The following FSTL4 variants were observed in gnomAD, a reference collection of about 807,000 sequenced individuals.
The protein encoded by FSTL4 is follistatin like 4, also known as follistatin-related protein 4.
Under a neutral mutation model 78.2 loss-of-function variants are expected in FSTL4, and 28 were observed. That is an observed-to-expected ratio of 0.36 (90% CI 0.27 to 0.49). The LOEUF is 0.49. FSTL4 is among the 20% of genes least tolerant of loss of function. The pLI is 0.98. For missense variants in FSTL4, 922 were observed against 1,084.9 expected (o/e 0.85, Z 2.11); for synonymous variants, 422 against 440.5 (o/e 0.96, Z 0.53).
At chr5:133,375,859 C>A (rs1483408880) in intron 4 of FSTL4, among the ~76,000 whole-genome samples, 1 of 152,176 alleles carries the variant, frequency 6.6e-6, no homozygotes, top group African/African-American at 2.4e-5. Flanking sequence ...GAAAATATTA[C>A]AAGTTTCTGG....
chr5:133,502,208 C>T (rs769430226), intron 3 of FSTL4, among the ~76,000 whole-genome samples: 22 of 152,248 alleles, frequency 1.4e-4, no homozygotes, highest in Admixed American at 9.8e-4. Flanking sequence ...AACACAGGCA[C>T]GGGTGATGCA....
chr5:133,599,113 T>C (rs1182019900), intron 2 of FSTL4, among the ~76,000 whole-genome samples: 1 of 151,552 alleles, frequency 6.6e-6, no homozygotes, highest in Non-Finnish European at 1.5e-5. Context: ...TGGTTGGGGG[T>C]GAGGGACACT....
the FSTL4 span, among the ~76,000 whole-genome samples, chr5:133,795,424 T>C: frequency 2.6e-5 from 4 of 152,224 alleles, no homozygotes; most frequent in Admixed American, 6.5e-5. Context: ...CATGAGAATA[T>C]AAAGTCATCA....
chr5:133,383,685 G>C (rs1295561395), intron 4 of FSTL4, among the ~76,000 whole-genome samples: 1 of 152,156 alleles, frequency 6.6e-6, no homozygotes, highest in Non-Finnish European at 1.5e-5. Context: ...GTCTCCTGCC[G>C]CAGCCTTCAT....
At chr5:133,423,077 C>T (rs180896835) in intron 3 of FSTL4, among the ~76,000 whole-genome samples, 37 of 152,318 alleles carry the variant, frequency 2.4e-4, no homozygotes, top group Admixed American at 6.5e-4. Flanking sequence ...TTCATTTGTA[C>T]AGTTGCTGCC....
At chr5:133,373,784 G>A (rs1755371578) in intron 4 of FSTL4, among the ~76,000 whole-genome samples, 1 of 152,196 alleles carries the variant, frequency 6.6e-6, no homozygotes, top group African/African-American at 2.4e-5. Context: ...AACAGCACAA[G>A]CACCTGAGCA....
In FSTL4 at chr5:133,342,951, G is replaced by A. The variant is rs912893968; in HGVS notation, c.410-26299C>T. ...TGCTCACGGATCCTTATACCATAAG[G>A]GGAGCTGCTTCTCACCATCTCTAGA... On this transcript the variant is annotated intron_variant, in intron 4 of 15. Transcript: ENST00000265342. Among the ~76,000 whole-genome samples, 5 of 152,066 alleles carry A rather than the reference G, an allele frequency of 3.3e-5. No homozygotes were observed. The South Asian group carries it at 1.0e-3, about 32-fold the overall frequency.
intron 2 of FSTL4, 125 bp from the exon 3 acceptor site, chr5:133,567,344 A>G (rs1200952738): frequency 1.3e-6 from 1 of 740,814 alleles, no homozygotes; most frequent in East Asian, 2.6e-5. Context: ...AGAACATGAC[A>G]CTGAGCAATG....
the FSTL4 span, among the ~76,000 whole-genome samples, chr5:133,700,334 CCACCACACCAAACCATCACACCAAAG>C: frequency 6.6e-6 from 1 of 151,462 alleles, no homozygotes; most frequent in East Asian, 1.9e-4. Context: ...TCACACCAGA[CCACCACACCAAACCATCACACCAAAG>C]CACCACACCA....
At chr5:133,768,101 G>A in the FSTL4 span, among the ~76,000 whole-genome samples, 8 of 152,236 alleles carry the variant, frequency 5.3e-5, 1 homozygote, top group Admixed American at 1.3e-4. Flanking sequence ...AGGAAGAAAC[G>A]AGAGGATTTT....
At chr5:133,694,398 C>A in the FSTL4 span, among the ~76,000 whole-genome samples, 1 of 152,278 alleles carries the variant, frequency 6.6e-6, no homozygotes. Context: ...TTAGTCTCCT[C>A]CTCTCAATCA....
At chr5:133,625,577 G>C in the FSTL4 span, among the ~76,000 whole-genome samples, 1 of 149,264 alleles carries the variant, frequency 6.7e-6, no homozygotes, top group Admixed American at 6.7e-5. Context: ...TTGTTTCATT[G>C]ATTTTTCTCC....
chr5:133,597,784 G>A (rs1229280818), intron 2 of FSTL4, among the ~76,000 whole-genome samples: 1 of 152,150 alleles, frequency 6.6e-6, no homozygotes, highest in Non-Finnish European at 1.5e-5. Context: ...ATGCAGCAAT[G>A]CTCATCCCCA....
At chr5:133,544,571 C>T (rs1164608159) in intron 3 of FSTL4, among the ~76,000 whole-genome samples, 3 of 152,150 alleles carry the variant, frequency 2.0e-5, no homozygotes, top group South Asian at 2.1e-4. Flanking sequence ...CACTCACCCC[C>T]GTTTTCTTCC....
intron 6 of FSTL4, among the ~76,000 whole-genome samples, chr5:133,272,435 C>T (rs947473924): frequency 1.5e-4 from 23 of 152,258 alleles, no homozygotes; most frequent in African/African-American, 5.1e-4. Context: ...CGTGCAGCGC[C>T]GTGACGTGCA....
the FSTL4 span, among the ~76,000 whole-genome samples, chr5:133,820,418 CAACA>C: frequency 6.6e-6 from 1 of 152,170 alleles, no homozygotes; most frequent in East Asian, 1.9e-4. Context: ...TTCCTGGTTA[CAACA>C]TTGTTTTTCT....
At chr5:133,634,679 T>C in the FSTL4 span, among the ~76,000 whole-genome samples, 1 of 152,306 alleles carries the variant, frequency 6.6e-6, no homozygotes, top group East Asian at 1.9e-4. Flanking sequence ...AAAATAGCAA[T>C]CTGTACTCTC....
chr5:133,839,352 A>G, the FSTL4 span, among the ~76,000 whole-genome samples: 1 of 152,168 alleles, frequency 6.6e-6, no homozygotes, highest in Non-Finnish European at 1.5e-5. Flanking sequence ...TTCTGTAAAA[A>G]CGCTGTTTGT....
At chr5:133,358,349 C>G (rs1052330981) in intron 4 of FSTL4, among the ~76,000 whole-genome samples, 1 of 152,200 alleles carries the variant, frequency 6.6e-6, no homozygotes, top group Admixed American at 6.5e-5. Context: ...CAATTCAGCC[C>G]GTCAGCTCCC....
Sources: gnomAD v4.1 joint callset for allele counts (sites outside exome capture counted in the v4.1 genomes callset) on GRCh38, gnomAD v4.1.1 for gene constraint, MANE v1.5 for transcripts, NCBI Gene and HGNC (gene_info 2026-07-23, HGNC 2026-07-21) for gene names.